Variants in COL22A1 observed in about 807,000 individuals in gnomAD.
The protein encoded by COL22A1 is collagen type XXII alpha 1 chain.
In COL22A1, 221 loss-of-function variants were observed where a neutral mutation model predicts 248.9. That is an observed-to-expected ratio of 0.89 (90% CI 0.80 to 0.99). COL22A1 has a LOEUF of 0.99. Among genes scored for constraint, COL22A1 ranks in the 50% least tolerant of loss-of-function variants. The pLI is 0.00. For missense variants in COL22A1, 2,240 were observed against 2,179.0 expected (o/e 1.03, Z -0.56); for synonymous variants, 891 against 793.4 (o/e 1.12, Z -2.07).
At chr8:138,629,253 T>C (rs985031898) in intron 50 of COL22A1, among the ~76,000 whole-genome samples, 6 of 152,092 alleles carry the variant, frequency 3.9e-5, no homozygotes, top group Non-Finnish European at 5.9e-5. Context: ...GCCTCCCAGG[T>C]TCAAGCGATT....
intron 3 of COL22A1, among the ~76,000 whole-genome samples, chr8:138,873,694 G>A (rs921810599): frequency 2.0e-5 from 3 of 152,170 alleles, no homozygotes; most frequent in South Asian, 2.1e-4. Flanking sequence ...TCACTACTGC[G>A]TCATGGGCAC....
Position 138,869,311 on chromosome 8 carries a change from T to C in COL22A1, c.658+8439A>G, listed in dbSNP as rs150662007. On this transcript the variant is annotated intron_variant, in intron 3 of 64. Transcript: ENST00000303045. The stretch of plus-strand genomic sequence containing the variant: ...AAGAAACCGTACCCTGGAAGCAAGA[T>C]AAATCGCCATCAATTTGGGAATGAT... Among the ~76,000 whole-genome samples the C allele has an allele frequency of 3.9e-5, 6 of 152,314 alleles. No homozygotes were observed. In the East Asian group the frequency reaches 1.2e-3, roughly 29 times the overall value.
chr8:138,600,142 T>C (rs1442026459), intron 60 of COL22A1, among the ~76,000 whole-genome samples: 2 of 152,330 alleles, frequency 1.3e-5, no homozygotes, highest in Non-Finnish European at 2.9e-5. Flanking sequence ...TTGGGAACTA[T>C]GGCAAGCCCA....
chr8:138,666,427 C>A (rs1824510319), intron 41 of COL22A1, among the ~76,000 whole-genome samples: 1 of 152,206 alleles, frequency 6.6e-6, no homozygotes. Flanking sequence ...ATCAACATTT[C>A]ATTGCTATAG....
intron 3 of COL22A1, among the ~76,000 whole-genome samples, chr8:138,853,454 C>T (rs529222278): frequency 4.7e-4 from 72 of 152,212 alleles, no homozygotes; most frequent in Non-Finnish European, 9.4e-4. Context: ...AATGCCTCCA[C>T]AACAGGTCTC....
chr8:138,759,195 C>T (rs2131380164), intron 18 of COL22A1, among the ~76,000 whole-genome samples: 1 of 152,304 alleles, frequency 6.6e-6, no homozygotes, highest in East Asian at 1.9e-4. Context: ...AAGCTGAGGT[C>T]TGTGTCAGCC....
chr8:138,778,456 C>G, intron 14 of COL22A1, 50 bp from the exon 15 acceptor site: 2 of 1,507,892 alleles, frequency 1.3e-6, no homozygotes, highest in Non-Finnish European at 1.8e-6. Context: ...AAAAGAAAGG[C>G]AAGTGCAGCC....
chr8:138,738,734 A>G (rs1455633375), intron 22 of COL22A1, among the ~76,000 whole-genome samples: 1 of 152,198 alleles, frequency 6.6e-6, no homozygotes, highest in Non-Finnish European at 1.5e-5. Flanking sequence ...CTGGCTTCTC[A>G]GGGCTCTGAA....
intron 16 of COL22A1, among the ~76,000 whole-genome samples, chr8:138,772,962 G>A (rs1337430573): frequency 1.3e-5 from 2 of 152,358 alleles, no homozygotes; most frequent in East Asian, 3.9e-4. Context: ...GCTGAGTGCT[G>A]GGAGGCGTCT....
intron 4 of COL22A1, among the ~76,000 whole-genome samples, chr8:138,842,818 C>T (rs1323809100): frequency 6.6e-6 from 1 of 152,172 alleles, no homozygotes; most frequent in Non-Finnish European, 1.5e-5. Flanking sequence ...TGATAGCACC[C>T]CACTGGGCAC....
intron 7 of COL22A1, among the ~76,000 whole-genome samples, chr8:138,813,551 T>C (rs1818423523): frequency 6.6e-6 from 1 of 152,212 alleles, no homozygotes; most frequent in African/African-American, 2.4e-5. Context: ...TATGTCGTTA[T>C]TAGCAGTGTG....
chr8:138,697,600 C>A (rs1031336074), intron 32 of COL22A1, among the ~76,000 whole-genome samples: 15 of 152,198 alleles, frequency 9.9e-5, no homozygotes, highest in African/African-American at 3.6e-4. Flanking sequence ...ACCAGCCATC[C>A]CCAGGAGCCT....
intron 12 of COL22A1, among the ~76,000 whole-genome samples, chr8:138,792,042 C>T (rs761299900): frequency 1.2e-4 from 18 of 152,014 alleles, no homozygotes; most frequent in Non-Finnish European, 1.8e-4. Context: ...TTGTATTTTC[C>T]CCCTTTACCA....
rs386414193 is a variant in COL22A1 at position 138,862,026 on chromosome 8, TAAAAAA to T, written c.658+15718_658+15723del. ...CAACATGGTGAAACCCTGTCTCTACTAAAAAAAAAAAAAAAAAAAAAGAAAAAAAGA... is the reference window on the plus strand; with the variant it reads ...CAACATGGTGAAACCCTGTCTCTACTAAAAAAAAAAAAAAAGAAAAAAAGA... On this transcript the variant is annotated intron_variant, in intron 3 of 64. Coordinates refer to ENST00000303045, the MANE Select transcript of COL22A1 (RefSeq NM_152888.3). Among the ~76,000 whole-genome samples, 17 of 93,272 alleles carry T rather than the reference TAAAAAA, an allele frequency of 1.8e-4. 1 individual carries two copies. The highest frequency in any genetic ancestry group is 2.6e-4 in the African/African-American group (6 of 23,228). 61.2% of individuals were successfully genotyped at this position (93,272 alleles called of 152,430 possible).
At chr8:138,814,037 C>T (rs1818471303) in intron 7 of COL22A1, among the ~76,000 whole-genome samples, 1 of 152,254 alleles carries the variant, frequency 6.6e-6, no homozygotes, top group African/African-American at 2.4e-5. Context: ...AAAACATCCA[C>T]ATGCATGAAC....
rs558519004 is a variant in COL22A1 at position 138,626,346 on chromosome 8, T to A, written c.3664-103A>T. ...CATTCATGGGTTGGGGGAGTGAGTG[T>A]TTGGTGAGAAACAAGGAGTGCTTCT... On this transcript the variant is annotated intron_variant, in intron 50 of 64. Coordinates refer to ENST00000303045, the MANE Select transcript of COL22A1 (RefSeq NM_152888.3). The A allele has an allele frequency of 3.5e-5, 33 of 935,040 alleles. No homozygotes were observed. The East Asian group carries it at 6.1e-4, about 17-fold the overall frequency. 57.9% of individuals were successfully genotyped at this position (935,040 alleles called of 1,614,324 possible).
Position 138,897,573 on chromosome 8 carries a change from T to TAAG in COL22A1, c.-72-14332_-72-14330dup, listed in dbSNP as rs1554659930. On this transcript the variant is annotated intron_variant, in intron 1 of 64. Coordinates refer to ENST00000303045, the MANE Select transcript of COL22A1 (RefSeq NM_152888.3). ...AAAGTAATAATAATAATAATAATAA[T>TAAG]AAGTAACTTAGTGAAATGGGTCCCT... Among the ~76,000 whole-genome samples the TAAG allele has an allele frequency of 1.7e-3, 227 of 133,612 alleles. 9 individuals carry two copies. Among genetic ancestry groups the TAAG allele is most frequent in the African/African-American group, 5.8e-3 (212 of 36,822 alleles). The allele number at this position is 133,612 out of a possible 152,430, so 87.7% of individuals were successfully genotyped here.
intron 3 of COL22A1, among the ~76,000 whole-genome samples, chr8:138,861,587 C>G (rs1822461568): frequency 6.6e-6 from 1 of 152,184 alleles, no homozygotes. Flanking sequence ...TGGGTCTCGC[C>G]TCCTTCCCCT....
chr8:138,638,311 T>G (rs1208052571), intron 47 of COL22A1, among the ~76,000 whole-genome samples: 4 of 152,252 alleles, frequency 2.6e-5, no homozygotes, highest in Admixed American at 2.6e-4. Context: ...AGGTCAATCT[T>G]TGTTGTGGTT....
Sources: allele counts gnomAD v4.1 joint callset (sites outside exome capture counted in the v4.1 genomes callset), GRCh38; gene constraint gnomAD v4.1.1; transcripts MANE v1.5; gene names NCBI Gene and HGNC (gene_info 2026-07-23, HGNC 2026-07-21).